Variants in IL1R1 observed in about 807,000 individuals in gnomAD.
The protein encoded by IL1R1 is interleukin 1 receptor type 1, also known as interleukin-1 receptor type 1.
In IL1R1, 22 loss-of-function variants were observed where a neutral mutation model predicts 50.2. The observed-to-expected ratio is 0.44, with a 90% CI of 0.31 to 0.63. The LOEUF is 0.63. Among genes scored for constraint, IL1R1 ranks in the 20% least tolerant of loss-of-function variants. The pLI, the probability that IL1R1 is intolerant of heterozygous loss-of-function variation, is 0.07. For synonymous variants in IL1R1, 251 were observed against 236.7 expected (o/e 1.06, Z -0.55); for missense variants, 509 against 676.2 (o/e 0.75, Z 2.74).
intron 1 of IL1R1, among the ~76,000 whole-genome samples, chr2:102,082,037 G>A (rs542156128): frequency 1.3e-5 from 2 of 152,324 alleles, no homozygotes; most frequent in South Asian, 4.1e-4. Flanking sequence ...CACCTCTGGA[G>A]CTGCTAAGTC....
intron 1 of IL1R1, among the ~76,000 whole-genome samples, chr2:102,125,060 G>A (rs79839120): frequency 0.017 from 2,532 of 152,302 alleles, 61 homozygotes; most frequent in South Asian, 0.092. Context: ...GATTTGGGTG[G>A]GGACACAGAG....
chr2:102,091,951 C>T (rs1679686394), intron 1 of IL1R1, among the ~76,000 whole-genome samples: 1 of 152,174 alleles, frequency 6.6e-6, no homozygotes, highest in Non-Finnish European at 1.5e-5. Flanking sequence ...CTGCAAATGA[C>T]ATAAAATCAT....
chr2:102,098,097 T>C (rs949093380), intron 1 of IL1R1, among the ~76,000 whole-genome samples: 1 of 152,086 alleles, frequency 6.6e-6, no homozygotes, highest in South Asian at 2.1e-4. Context: ...ACCAGAAATA[T>C]AAAGATGGCT....
chr2:102,091,954 A>G (rs1053018366), intron 1 of IL1R1, among the ~76,000 whole-genome samples: 2 of 152,220 alleles, frequency 1.3e-5, no homozygotes, highest in African/African-American at 4.8e-5. Context: ...CAAATGACAT[A>G]AAATCATTAC....
At chr2:102,079,617 T>G (rs1679121179) in intron 1 of IL1R1, among the ~76,000 whole-genome samples, 1 of 152,132 alleles carries the variant, frequency 6.6e-6, no homozygotes, top group Admixed American at 6.6e-5. Flanking sequence ...TTGAAAGACA[T>G]CCCATGTTCA....
At chr2:102,117,531 T>A (rs1159404330) in intron 1 of IL1R1, among the ~76,000 whole-genome samples, 2 of 152,224 alleles carry the variant, frequency 1.3e-5, no homozygotes, top group African/African-American at 4.8e-5. Context: ...CCAACATCGC[T>A]CTTCAGTTAT....
intron 1 of IL1R1, among the ~76,000 whole-genome samples, chr2:102,093,313 T>C (rs1679760529): frequency 6.6e-6 from 1 of 152,182 alleles, no homozygotes; most frequent in Non-Finnish European, 1.5e-5. Flanking sequence ...CTAGCAAAAG[T>C]CCTTTCCGGA....
chr2:102,150,265 C>T (rs1248004884), intron 1 of IL1R1, among the ~76,000 whole-genome samples: 1 of 152,190 alleles, frequency 6.6e-6, no homozygotes, highest in East Asian at 1.9e-4. Flanking sequence ...GCCCCTCTCT[C>T]CCCAGCTGTC....
At chr2:102,096,982 C>A (rs1447410944) in intron 1 of IL1R1, among the ~76,000 whole-genome samples, 1 of 151,782 alleles carries the variant, frequency 6.6e-6, no homozygotes. Flanking sequence ...ACGTGCATTG[C>A]CACCTCTGTC....
intron 5 of IL1R1, among the ~76,000 whole-genome samples, chr2:102,165,845 AT>A (rs1685137467): frequency 6.6e-6 from 1 of 152,270 alleles, no homozygotes; most frequent in South Asian, 2.1e-4. Context: ...TAGTGTTAAC[AT>A]TTTTTTCAAA....
chr2:102,176,673 C>T lies in IL1R1; in HGVS notation c.1624C>T (p.Arg542Ter). The change falls in exon 12 of 12, where the codon CGA becomes TGA. Residue 542 changes from arginine (R) to a stop codon, truncating the protein, a stop_gained. Coordinates refer to ENST00000410023, the MANE Select transcript of IL1R1 (RefSeq NM_000877.4). LOFTEE classifies it low-confidence loss of function (END_TRUNC). ...TGTCAGGTACCACATGCCAGTCCAG[C>T]GACGGTCACCTTCATCTAAACACCA... ...KNVRYHMPVQ[R>*]RSPSSKHQLL... 1 of 1,614,182 alleles carries T rather than the reference C, an allele frequency of 6.2e-7. No individual in the cohort carries two copies. The highest frequency in any genetic ancestry group is 8.5e-7 in the Non-Finnish European group (1 of 1,180,032).
chr2:102,175,930 G>T (rs1686092866), intron 11 of IL1R1: 1 of 518,680 alleles, frequency 1.9e-6, no homozygotes, highest in Non-Finnish European at 3.4e-6. Context: ...GAGTGGTAGA[G>T]ATCAAATGAT....
intron 1 of IL1R1, among the ~76,000 whole-genome samples, chr2:102,123,111 G>A (rs921610884): frequency 1.3e-5 from 2 of 152,210 alleles, no homozygotes; most frequent in African/African-American, 4.8e-5. Context: ...ATGGAATGCA[G>A]TATACTCACT....
At chr2:102,111,827 C>G (rs1680782658) in intron 1 of IL1R1, among the ~76,000 whole-genome samples, 1 of 152,266 alleles carries the variant, frequency 6.6e-6, no homozygotes, top group East Asian at 1.9e-4. Flanking sequence ...CTCTGACATC[C>G]TTTTCTCCAG....
At chr2:102,095,391 T>C (rs993339474) in intron 1 of IL1R1, among the ~76,000 whole-genome samples, 2 of 152,238 alleles carry the variant, frequency 1.3e-5, no homozygotes, top group African/African-American at 2.4e-5. Context: ...TTATAAAGTG[T>C]TTTCTTTTTC....
chr2:102,168,542 A>C, intron 6 of IL1R1, 56 bp from the exon 7 acceptor site: 2 of 1,370,988 alleles, frequency 1.5e-6, no homozygotes, highest in Non-Finnish European at 1.0e-6. Flanking sequence ...TGTTGTCGTC[A>C]CTTGAGATTC....
At chr2:102,114,420 T>A (rs1033965089) in intron 1 of IL1R1, among the ~76,000 whole-genome samples, 3 of 152,192 alleles carry the variant, frequency 2.0e-5, no homozygotes, top group Middle Eastern at 3.2e-3. Flanking sequence ...AGGGAAAATA[T>A]GTGATTATTG....
chr2:102,070,897 TG>T (rs1223236279), intron 1 of IL1R1, among the ~76,000 whole-genome samples: 3 of 152,086 alleles, frequency 2.0e-5, no homozygotes, highest in African/African-American at 7.2e-5. Context: ...AGGGTTGGGG[TG>T]GCTTGGGGAA....
At chr2:102,165,697 C>T (rs1407896806) in intron 5 of IL1R1, among the ~76,000 whole-genome samples, 2 of 152,148 alleles carry the variant, frequency 1.3e-5, no homozygotes, top group African/African-American at 4.8e-5. Flanking sequence ...GGTTGACTAG[C>T]TTTCCATGGA....
Sources: gnomAD v4.1 joint callset for allele counts (sites outside exome capture counted in the v4.1 genomes callset) on GRCh38, gnomAD v4.1.1 for gene constraint, MANE v1.5 for transcripts, NCBI Gene and HGNC (gene_info 2026-07-23, HGNC 2026-07-21) for gene names.